NRCAM: variants seen among roughly 807,000 people sequenced by gnomAD.
NRCAM encodes NgCAM-related cell adhesion molecule.
Under a neutral mutation model 156.5 loss-of-function variants are expected in NRCAM, and 83 were observed. That is an observed-to-expected ratio of 0.53 (90% CI 0.44 to 0.64). The LOEUF is 0.64. NRCAM is among the 30% of genes least tolerant of loss of function. NRCAM has a pLI of 0.00. For missense variants in NRCAM, 1,417 were observed against 1,597.3 expected (o/e 0.89, Z 1.92); for synonymous variants, 538 against 563.9 (o/e 0.95, Z 0.65).
chr7:108,179,582 G>A (rs760068996), intron 25 of NRCAM, among the ~76,000 whole-genome samples: 1 of 151,866 alleles, frequency 6.6e-6, no homozygotes, highest in East Asian at 1.9e-4. Flanking sequence ...CACCCACAAG[G>A]CTCCCTTGTC....
intron 1 of NRCAM, among the ~76,000 whole-genome samples, chr7:108,432,440 C>T (rs1325356077): frequency 2.0e-5 from 3 of 152,212 alleles, no homozygotes; most frequent in South Asian, 2.1e-4. Flanking sequence ...TTTGCTCCAA[C>T]CCTAAGTGGC....
At chr7:108,407,850 G>A (rs1790382319) in intron 1 of NRCAM, among the ~76,000 whole-genome samples, 1 of 152,136 alleles carries the variant, frequency 6.6e-6, no homozygotes, top group Non-Finnish European at 1.5e-5. Flanking sequence ...GCAGTTTGTT[G>A]TGTTTAATTA....
chr7:108,254,074 C>T (rs1030845444), intron 3 of NRCAM, among the ~76,000 whole-genome samples: 6 of 152,222 alleles, frequency 3.9e-5, no homozygotes, highest in African/African-American at 1.4e-4. Context: ...GAGAATATCT[C>T]GCAACCTTAG....
intron 2 of NRCAM, among the ~76,000 whole-genome samples, chr7:108,378,737 C>T (rs78606692): frequency 3.5e-4 from 48 of 137,108 alleles, no homozygotes; most frequent in African/African-American, 1.1e-3. Context: ...CCAAAGGCAA[C>T]GAAAAAACCT....
intron 19 of NRCAM, among the ~76,000 whole-genome samples, chr7:108,190,359 C>T (rs2153434271): frequency 6.6e-6 from 1 of 152,306 alleles, no homozygotes; most frequent in African/African-American, 2.4e-5. Flanking sequence ...GCATGTCTGC[C>T]TCTTCTAATG....
intron 3 of NRCAM, among the ~76,000 whole-genome samples, chr7:108,261,431 G>A (rs1206581196): frequency 1.3e-5 from 2 of 152,178 alleles, no homozygotes; most frequent in Non-Finnish European, 2.9e-5. Flanking sequence ...GTATCATTTG[G>A]AGAATAAAAT....
At chr7:108,393,682 G>A (rs2099768641) in intron 2 of NRCAM, among the ~76,000 whole-genome samples, 1 of 152,102 alleles carries the variant, frequency 6.6e-6, no homozygotes, top group Admixed American at 6.5e-5. Context: ...GCTCAAGCTG[G>A]GAGCTGTAGA....
intron 20 of NRCAM, among the ~76,000 whole-genome samples, chr7:108,185,344 G>GAAACAACCTAATTGC (rs1355966412): frequency 4.6e-5 from 7 of 152,226 alleles, no homozygotes; most frequent in Non-Finnish European, 1.0e-4. Flanking sequence ...ATTTGCAATT[G>GAAACAACCTAATTGC]AAACAACCTA....
intron 2 of NRCAM, among the ~76,000 whole-genome samples, chr7:108,322,397 ACT>A (rs2099013292): frequency 6.6e-6 from 1 of 152,076 alleles, no homozygotes; most frequent in Non-Finnish European, 1.5e-5. Context: ...TCCAAATATG[ACT>A]CTGATGTAGC....
chr7:108,335,253 T>C (rs1373158909), intron 2 of NRCAM, among the ~76,000 whole-genome samples: 1 of 152,142 alleles, frequency 6.6e-6, no homozygotes, highest in Admixed American at 6.5e-5. Flanking sequence ...CAAATCATAA[T>C]CATAGGCTTA....
intron 3 of NRCAM, among the ~76,000 whole-genome samples, chr7:108,311,154 C>T (rs541266388): frequency 5.3e-5 from 8 of 152,236 alleles, no homozygotes; most frequent in Middle Eastern, 6.8e-3. Flanking sequence ...AATAAACTCC[C>T]GCCCTCAGTG....
At chr7:108,321,089 A>C (rs535082766) in intron 2 of NRCAM, among the ~76,000 whole-genome samples, 2 of 152,368 alleles carry the variant, frequency 1.3e-5, no homozygotes, top group South Asian at 4.1e-4. Context: ...GGTTTGGCTC[A>C]TATAACTTGC....
At chr7:108,430,355 G>A (rs972068501) in intron 1 of NRCAM, among the ~76,000 whole-genome samples, 1 of 152,186 alleles carries the variant, frequency 6.6e-6, no homozygotes, top group Admixed American at 6.5e-5. Context: ...ACAGTGGCTT[G>A]ATCCGGGATA....
At chr7:108,377,929 A>T (rs770976987) in intron 2 of NRCAM, among the ~76,000 whole-genome samples, 1 of 152,156 alleles carries the variant, frequency 6.6e-6, no homozygotes, top group Non-Finnish European at 1.5e-5. Flanking sequence ...ACATCCCCCC[A>T]CCTTGCAAAG....
At chr7:108,454,245 G>A (rs1281682906) in intron 1 of NRCAM, among the ~76,000 whole-genome samples, 1 of 152,180 alleles carries the variant, frequency 6.6e-6, no homozygotes, top group Non-Finnish European at 1.5e-5. Flanking sequence ...GAGTTCTGCA[G>A]AGCTCCGAAT....
At chr7:108,264,135 A>C (rs1286140425) in intron 3 of NRCAM, among the ~76,000 whole-genome samples, 1 of 143,782 alleles carries the variant, frequency 7.0e-6, no homozygotes, top group Non-Finnish European at 1.5e-5. Context: ...GTGCCACCAC[A>C]CCCAGCTAAT....
intron 28 of NRCAM, among the ~76,000 whole-genome samples, chr7:108,171,613 C>T (rs1236845244): frequency 2.0e-5 from 3 of 152,140 alleles, no homozygotes; most frequent in Non-Finnish European, 4.4e-5. Context: ...TGAAGCTTTT[C>T]CTGATCCTGC....
intron 2 of NRCAM, among the ~76,000 whole-genome samples, chr7:108,387,335 A>G (rs569306974): frequency 1.3e-5 from 2 of 152,240 alleles, no homozygotes; most frequent in African/African-American, 4.8e-5. Flanking sequence ...CTACCAAAGG[A>G]AATGTTGTAA....
chr7:108,270,938 A>G (rs552250123), intron 3 of NRCAM, among the ~76,000 whole-genome samples: 2 of 152,318 alleles, frequency 1.3e-5, no homozygotes, highest in East Asian at 3.9e-4. Flanking sequence ...AAAGTTCTGT[A>G]GATAGATGGT....
Sources: allele counts gnomAD v4.1 joint callset (sites outside exome capture counted in the v4.1 genomes callset), GRCh38; gene constraint gnomAD v4.1.1; transcripts MANE v1.5; gene names NCBI Gene and HGNC (gene_info 2026-07-23, HGNC 2026-07-21).